WWOX: variants seen among roughly 807,000 people sequenced by gnomAD.
The protein encoded by WWOX is WW domain-containing oxidoreductase.
In WWOX, 69 loss-of-function variants were observed where a neutral mutation model predicts 46.2. The ratio of observed to expected loss-of-function variants is 1.49; its 90% CI spans 1.23 to 1.82. The LOEUF (loss-of-function observed/expected upper bound fraction) is 1.82. Among genes scored for constraint, WWOX ranks in the 40% most tolerant of loss-of-function variants. WWOX has a pLI of 0.00. For synonymous variants in WWOX, 359 were observed against 202.6 expected, an observed-to-expected ratio of 1.77 and a Z score of -6.56; for missense variants, 919 against 542.6, an observed-to-expected ratio of 1.69 and a Z score of -6.89.
At chr16:78,760,198 G>C (rs1455256897) in intron 8 of WWOX, among the ~76,000 whole-genome samples, 3 of 152,172 alleles carry the variant, frequency 2.0e-5, no homozygotes, top group Admixed American at 6.5e-5. Context: ...TGACAGCCAG[G>C]TGAAGGAGTT....
At chr16:78,901,893 T>C (rs1193028024) in intron 8 of WWOX, among the ~76,000 whole-genome samples, 2 of 152,114 alleles carry the variant, frequency 1.3e-5, no homozygotes. Flanking sequence ...CAAATCTGAG[T>C]GTACATCAAG....
intron 5 of WWOX, among the ~76,000 whole-genome samples, chr16:78,214,423 T>C (rs1165587758): frequency 1.3e-5 from 2 of 152,202 alleles, no homozygotes; most frequent in Non-Finnish European, 2.9e-5. Flanking sequence ...GCTGGCATTC[T>C]GTGCACAATC....
At chr16:78,820,436 C>T (rs2051462851) in intron 8 of WWOX, among the ~76,000 whole-genome samples, 1 of 152,140 alleles carries the variant, frequency 6.6e-6, no homozygotes, top group African/African-American at 2.4e-5. Context: ...TTCATTTTCC[C>T]ATCCTTAAAT....
intron 8 of WWOX, among the ~76,000 whole-genome samples, chr16:78,536,330 C>T (rs2043758310): frequency 6.6e-6 from 1 of 151,786 alleles, no homozygotes; most frequent in South Asian, 2.1e-4. Context: ...GGACTGTATC[C>T]CTCCTGAAGG....
intron 8 of WWOX, among the ~76,000 whole-genome samples, chr16:78,972,059 C>T (rs1043512825): frequency 5.3e-5 from 8 of 152,210 alleles, no homozygotes; most frequent in African/African-American, 1.9e-4. Flanking sequence ...CCCTGATCTG[C>T]CGGAAGGTCT....
chr16:78,233,262 A>G (rs2037327267), intron 5 of WWOX, among the ~76,000 whole-genome samples: 1 of 152,148 alleles, frequency 6.6e-6, no homozygotes, highest in Non-Finnish European at 1.5e-5. Flanking sequence ...TGTTCAAGGT[A>G]TGCCTTTTCC....
chr16:78,224,318 G>T (rs2036982833), intron 5 of WWOX, among the ~76,000 whole-genome samples: 1 of 150,964 alleles, frequency 6.6e-6, no homozygotes, highest in South Asian at 2.1e-4. Flanking sequence ...TTCCTTCTTT[G>T]TTAAGTGGAA....
At chr16:78,735,523 C>G (rs1354214690) in intron 8 of WWOX, among the ~76,000 whole-genome samples, 3 of 152,158 alleles carry the variant, frequency 2.0e-5, no homozygotes, top group East Asian at 1.9e-4. Flanking sequence ...GATGTTAACT[C>G]TGAGTGTTCC....
chr16:78,855,648 C>G (rs2052549003), intron 8 of WWOX, among the ~76,000 whole-genome samples: 1 of 152,208 alleles, frequency 6.6e-6, no homozygotes, highest in Admixed American at 6.5e-5. Flanking sequence ...AACCTGTCTT[C>G]TCCCAGTTTC....
intron 1 of WWOX, 149 bp from the exon 2 acceptor site, chr16:78,108,274 G>T: frequency 1.3e-6 from 1 of 755,568 alleles, no homozygotes; most frequent in East Asian, 2.9e-5. Flanking sequence ...AGTTGACCCC[G>T]TAGCTGGGGT....
intron 8 of WWOX, among the ~76,000 whole-genome samples, chr16:78,453,865 A>G (rs1012277728): frequency 6.6e-6 from 1 of 152,076 alleles, no homozygotes. Flanking sequence ...GATTTCATGT[A>G]TCTGTTTTCT....
At chr16:78,514,196 T>A (rs192846650) in intron 8 of WWOX, among the ~76,000 whole-genome samples, 3 of 152,342 alleles carry the variant, frequency 2.0e-5, no homozygotes, top group African/African-American at 7.2e-5. Context: ...ACCTAGTCTA[T>A]GTTATAGAAC....
At chr16:78,371,806 T>A (rs1265711108) in intron 5 of WWOX, among the ~76,000 whole-genome samples, 1 of 152,218 alleles carries the variant, frequency 6.6e-6, no homozygotes, top group Admixed American at 6.5e-5. Flanking sequence ...TTATCATTTA[T>A]CTTTTATCTT....
intron 8 of WWOX, among the ~76,000 whole-genome samples, chr16:78,669,460 G>A (rs756220405): frequency 3.9e-5 from 6 of 152,332 alleles, no homozygotes; most frequent in Admixed American, 6.5e-5. Flanking sequence ...GAAGCAGGAA[G>A]AAGTGCTACT....
intron 8 of WWOX, among the ~76,000 whole-genome samples, chr16:78,693,600 A>G (rs141107318): frequency 5.1e-4 from 77 of 152,312 alleles, no homozygotes; most frequent in African/African-American, 1.8e-3. Context: ...AGTGGAGACA[A>G]TGTCACCTGT....
intron 8 of WWOX, among the ~76,000 whole-genome samples, chr16:78,563,958 G>A (rs985263525): frequency 6.6e-6 from 1 of 152,208 alleles, no homozygotes; most frequent in Non-Finnish European, 1.5e-5. Flanking sequence ...GGCTTGAAAC[G>A]TGCTTTTATG....
intron 8 of WWOX, among the ~76,000 whole-genome samples, chr16:78,438,955 A>G (rs2083389914): frequency 6.6e-6 from 1 of 152,226 alleles, no homozygotes; most frequent in Non-Finnish European, 1.5e-5. Flanking sequence ...AGGGTGATTT[A>G]TAGTTGTACA....
chr16:79,026,050 C>T (rs2047634401), intron 8 of WWOX, among the ~76,000 whole-genome samples: 1 of 151,740 alleles, frequency 6.6e-6, no homozygotes, highest in South Asian at 2.1e-4. Flanking sequence ...ATCTGCCTGT[C>T]TTGGCCTCCC....
chr16:79,075,097 A>C (rs961658130), intron 8 of WWOX, among the ~76,000 whole-genome samples: 3 of 152,320 alleles, frequency 2.0e-5, no homozygotes, highest in Admixed American at 6.5e-5. Flanking sequence ...AATTCACTAC[A>C]ACACTGTTTC....
Sources: gnomAD v4.1 joint callset for allele counts (sites outside exome capture counted in the v4.1 genomes callset) on GRCh38, gnomAD v4.1.1 for gene constraint, MANE v1.5 for transcripts, NCBI Gene and HGNC (gene_info 2026-07-23, HGNC 2026-07-21) for gene names.